CRB1: variants seen among roughly 807,000 people sequenced by gnomAD.
CRB1 encodes the protein crumbs cell polarity complex component 1.
CRB1 carries 83 observed loss-of-function variants against 120.0 expected under a neutral mutation model. The ratio of observed to expected loss-of-function variants is 0.69; its 90% CI spans 0.58 to 0.83. The LOEUF (loss-of-function observed/expected upper bound fraction) is 0.83. CRB1 is among the 40% of genes least tolerant of loss of function. The pLI, the probability that CRB1 is intolerant of heterozygous loss-of-function variation, is 0.00. For synonymous variants in CRB1, 625 were observed against 612.5 expected (o/e 1.02, Z -0.30); for missense variants, 1,699 against 1,687.6 (o/e 1.01, Z -0.12).
Position 197,356,892 on chromosome 1 carries a change from C to T in CRB1, c.1050C>T (p.Ser350=). The T allele has an allele frequency of 6.2e-7, 1 of 1,614,154 alleles. No homozygotes were observed. Residue 350 remains serine, a synonymous_variant, in exon 5 of 12, where the codon TCC becomes TCT. Transcript: ENST00000367400. ...LNECNSNPCQ[S]NGECVELSSE... ...AATGCAATAGTAACCCCTGCCAGTC[C>T]AATGGGGAATGTGTGGAGCTGTCCT... is the stretch of plus-strand genomic sequence containing the variant.
intron 1 of CRB1, among the ~76,000 whole-genome samples, chr1:197,284,669 G>A (rs1655721252): frequency 6.6e-6 from 1 of 151,858 alleles, no homozygotes; most frequent in Non-Finnish European, 1.5e-5. Flanking sequence ...GGAGGCCAAA[G>A]AAACAGCTGT....
At chr1:197,319,605 G>A (rs1040845743) in intron 1 of CRB1, among the ~76,000 whole-genome samples, 1 of 151,938 alleles carries the variant, frequency 6.6e-6, no homozygotes, top group Non-Finnish European at 1.5e-5. Context: ...TTTTCTCTCT[G>A]AGTGTAAACA....
chr1:197,271,988 A>G (rs1163991779), intron 1 of CRB1, among the ~76,000 whole-genome samples: 2 of 152,196 alleles, frequency 1.3e-5, no homozygotes, highest in African/African-American at 2.4e-5. Flanking sequence ...AGTTTGGGGT[A>G]GCATCCAGTC....
At chr1:197,375,249 C>T (rs376441354) in intron 5 of CRB1, among the ~76,000 whole-genome samples, 5 of 152,142 alleles carry the variant, frequency 3.3e-5, no homozygotes, top group African/African-American at 1.2e-4. Flanking sequence ...CTATATTACT[C>T]ACAGCACAGC....
At chr1:197,389,093 C>G (rs551778073) in intron 5 of CRB1, among the ~76,000 whole-genome samples, 1 of 152,128 alleles carries the variant, frequency 6.6e-6, no homozygotes, top group East Asian at 1.9e-4. Flanking sequence ...AAAATGGAAC[C>G]CTTGTGCATT....
intron 2 of CRB1, among the ~76,000 whole-genome samples, chr1:197,341,298 T>A (rs1659443494): frequency 6.6e-6 from 1 of 152,150 alleles, no homozygotes; most frequent in African/African-American, 2.4e-5. Flanking sequence ...ATCCCAGCAC[T>A]TTGGGAGGCT....
In CRB1 at chr1:197,369,306, T is replaced by G. The variant is rs1302546638; in HGVS notation, c.1171+12293T>G. 5.3e-5 allele frequency among the ~76,000 whole-genome samples: 8 copies of G among 152,080 alleles called. 1 individual carries two copies. The highest frequency in any genetic ancestry group is 5.2e-4 in the Admixed American group (8 of 15,272). On this transcript the variant is annotated intron_variant, in intron 5 of 11. Coordinates refer to ENST00000367400, the MANE Select transcript of CRB1 (RefSeq NM_201253.3). The stretch of plus-strand genomic sequence containing the variant: ...CTTAGTTTGTTGAGAGAGTCTGTCT[T>G]CTGATATTAACACAGAAGACCCTCA...
intron 2 of CRB1, among the ~76,000 whole-genome samples, chr1:197,331,860 C>T (rs776873411): frequency 1.6e-4 from 24 of 151,976 alleles, no homozygotes; most frequent in Non-Finnish European, 2.8e-4. Flanking sequence ...TCCTTTCAGT[C>T]GTCTAAATTT....
the CRB1 span, among the ~76,000 whole-genome samples, chr1:197,208,252 T>C: frequency 9.9e-4 from 151 of 152,282 alleles, no homozygotes; most frequent in African/African-American, 3.5e-3. Flanking sequence ...TTTGGATCCA[T>C]TGATGTTGAG....
the CRB1 span, among the ~76,000 whole-genome samples, chr1:197,228,374 T>C: frequency 6.6e-6 from 1 of 152,314 alleles, no homozygotes; most frequent in Admixed American, 6.5e-5. Context: ...AGAAATTTCT[T>C]CCACCAGATA....
the CRB1 span, among the ~76,000 whole-genome samples, chr1:197,230,487 A>G: frequency 6.6e-6 from 1 of 152,120 alleles, no homozygotes; most frequent in Admixed American, 6.5e-5. Context: ...TTCACCATGT[A>G]TAGGTCTTAA....
At chr1:197,440,378 G>C (rs1571568449) in intron 10 of CRB1, 1 of 152,236 alleles carries the variant, frequency 6.6e-6, no homozygotes, top group South Asian at 2.1e-4. Context: ...AGAAAAGAAA[G>C]CTTAGAGTTT....
the CRB1 span, among the ~76,000 whole-genome samples, chr1:197,224,367 T>G: frequency 6.6e-6 from 1 of 152,180 alleles, no homozygotes. Flanking sequence ...AGAAACACAT[T>G]AAAGTTTTAT....
the CRB1 span, among the ~76,000 whole-genome samples, chr1:197,235,065 T>C: frequency 6.6e-6 from 1 of 152,176 alleles, no homozygotes; most frequent in Admixed American, 6.5e-5. Context: ...TTTCAGGAGA[T>C]AGTATGCATT....
intron 11 of CRB1, among the ~76,000 whole-genome samples, chr1:197,455,674 T>A (rs1005807786): frequency 3.9e-5 from 6 of 152,162 alleles, no homozygotes; most frequent in South Asian, 2.1e-4. Flanking sequence ...CCAAGATAAT[T>A]GACTTGAAAT....
intron 1 of CRB1, among the ~76,000 whole-genome samples, chr1:197,301,410 C>T (rs1170082872): frequency 6.6e-6 from 1 of 152,128 alleles, no homozygotes; most frequent in African/African-American, 2.4e-5. Flanking sequence ...AGGTGATCCA[C>T]CTGCCTCAAC....
At chr1:197,262,399 A>G in the CRB1 span, among the ~76,000 whole-genome samples, 1 of 152,128 alleles carries the variant, frequency 6.6e-6, no homozygotes, top group Non-Finnish European at 1.5e-5. Flanking sequence ...CACCTAATTT[A>G]TTCTTGAAAA....
At chr1:197,453,815 T>A (rs1391454687) in intron 11 of CRB1, among the ~76,000 whole-genome samples, 1 of 142,484 alleles carries the variant, frequency 7.0e-6, no homozygotes, top group African/African-American at 2.6e-5. Context: ...TAATATATTG[T>A]TAATTATTAA....
intron 1 of CRB1, among the ~76,000 whole-genome samples, chr1:197,320,029 G>A (rs1658100341): frequency 6.6e-6 from 1 of 152,130 alleles, no homozygotes; most frequent in African/African-American, 2.4e-5. Flanking sequence ...AAGATTAAAT[G>A]GTTAATTATT....
Sources: gnomAD v4.1 joint callset for allele counts (sites outside exome capture counted in the v4.1 genomes callset) on GRCh38, gnomAD v4.1.1 for gene constraint, MANE v1.5 for transcripts, NCBI Gene and HGNC (gene_info 2026-07-23, HGNC 2026-07-21) for gene names.